NCAPG2: variants seen among roughly 807,000 people sequenced by gnomAD.
NCAPG2 encodes the protein non-SMC condensin II complex subunit G2, also known as condensin-2 complex subunit G2.
A neutral mutation model predicts 141.1 loss-of-function variants in NCAPG2; 53 were observed. That is an observed-to-expected ratio of 0.38 (90% CI 0.30 to 0.47). The LOEUF is 0.47. NCAPG2 is among the 20% of genes least tolerant of loss of function. The pLI is 0.99. For synonymous variants in NCAPG2, 499 were observed against 490.7 expected, an observed-to-expected ratio of 1.02 and a Z score of -0.22; for missense variants, 1,087 against 1,389.0, an observed-to-expected ratio of 0.78 and a Z score of 3.46.
At chr7:158,688,290 G>A (rs915956538) in intron 6 of NCAPG2, among the ~76,000 whole-genome samples, 1 of 152,162 alleles carries the variant, frequency 6.6e-6, no homozygotes, top group African/African-American at 2.4e-5. Context: ...GATTGATTAG[G>A]AAACTACATT....
At chr7:158,654,799 CAG>C in intron 21 of NCAPG2, 105 bp from the exon 22 acceptor site, 1 of 1,449,642 alleles carries the variant, frequency 6.9e-7, no homozygotes, top group Non-Finnish European at 9.1e-7. Flanking sequence ...TCTTATAAAG[CAG>C]ATTTTTATAA....
chr7:158,694,029 A>T (rs1232715845), intron 2 of NCAPG2, among the ~76,000 whole-genome samples: 1 of 152,212 alleles, frequency 6.6e-6, no homozygotes, highest in Admixed American at 6.5e-5. Context: ...ATCCAATTAA[A>T]GGGACTCCCT....
chr7:158,685,351 C>A (rs1834692885), intron 8 of NCAPG2, among the ~76,000 whole-genome samples: 2 of 152,096 alleles, frequency 1.3e-5, no homozygotes, highest in South Asian at 4.1e-4. Context: ...TGAATGCAAG[C>A]CACAGATGCA....
intron 16 of NCAPG2, 22 bp downstream of exon 16, chr7:158,662,172 A>G (rs1832561611): frequency 6.4e-7 from 1 of 1,572,344 alleles, no homozygotes; most frequent in African/African-American, 1.4e-5. Flanking sequence ...TACCTTGCTT[A>G]CAAGTATAGT....
intron 24 of NCAPG2, among the ~76,000 whole-genome samples, chr7:158,649,232 GAA>G (rs1245296002): frequency 6.6e-6 from 1 of 151,884 alleles, no homozygotes; most frequent in Non-Finnish European, 1.5e-5. Flanking sequence ...CAGAACAAAT[GAA>G]AAAAGAGACA....
intron 13 of NCAPG2, chr7:158,667,094 C>G (rs915201878): frequency 2.1e-5 from 20 of 975,468 alleles, no homozygotes; most frequent in Non-Finnish European, 2.4e-5. Flanking sequence ...ATTCTGTAAC[C>G]TTAACTTTCA....
At chr7:158,645,684 A>C in intron 25 of NCAPG2, 65 bp from the exon 26 acceptor site, 2 of 1,444,582 alleles carry the variant, frequency 1.4e-6, no homozygotes, top group Non-Finnish European at 1.9e-6. Flanking sequence ...TTATAGCAGA[A>C]GTACAGCCAA....
chr7:158,687,260 A>G, intron 7 of NCAPG2, 88 bp downstream of exon 7: 1 of 827,346 alleles, frequency 1.2e-6, no homozygotes, highest in South Asian at 1.9e-5. Context: ...CTTCTAATCC[A>G]TTACTATAAC....
chr7:158,656,441 AAG>A lies in NCAPG2; in HGVS notation c.2215-10_2215-9del. 1.2e-6 allele frequency: 2 copies of A among 1,612,902 alleles called. No homozygotes were observed. The highest frequency in any genetic ancestry group is 1.1e-5 in the South Asian group (1 of 90,846). On this transcript the variant is annotated splice_polypyrimidine_tract_variant and intron_variant, in intron 18 of 27. Transcript: ENST00000356309. ...TTTAGAAGCTGTGTTGCTCTGAAAG[AAG>A]AGAGAGAGAAACTGATAATGAAAAC...
At chr7:158,656,516 C>A (rs768573765) in intron 18 of NCAPG2, 36 bp downstream of exon 18, 24 of 1,612,254 alleles carry the variant, frequency 1.5e-5, no homozygotes, top group Non-Finnish European at 2.0e-5. Context: ...GTTATCCTCA[C>A]TCACCTAATT....
In NCAPG2 at chr7:158,693,487, G is replaced by A; in HGVS notation, c.89C>T (p.Ser30Phe). The A allele has an allele frequency of 6.2e-7, 1 of 1,610,726 alleles. No homozygotes were observed. The highest frequency in any genetic ancestry group is 1.7e-5 in the Admixed American group (1 of 59,298). ...LQFVQLDKEA[S>F]DPFSLNELLD... is the part of the protein sequence containing the mutation. ...TAATTCATTTAGGCTGAAAGGATCA[G>A]AGGCCTCTTTCTGTAACATAAATAG... The change falls in exon 3 of 28, where the codon TCT (serine) becomes TTT (phenylalanine). Residue 30 changes from serine (S) to phenylalanine (F), a missense_variant. Transcript: ENST00000356309.
intron 24 of NCAPG2, among the ~76,000 whole-genome samples, chr7:158,650,007 A>G (rs1364992159): frequency 6.6e-6 from 1 of 152,256 alleles, no homozygotes; most frequent in Non-Finnish European, 1.5e-5. Flanking sequence ...TAGGAAAATA[A>G]GATAGTCAGT....
At chr7:158,632,489 G>A (rs1375860323) in intron 27 of NCAPG2, among the ~76,000 whole-genome samples, 1 of 152,202 alleles carries the variant, frequency 6.6e-6, no homozygotes, top group East Asian at 1.9e-4. Flanking sequence ...TCTCCTCAGA[G>A]AAGCAATAAA....
intron 24 of NCAPG2, 86 bp from the exon 25 acceptor site, chr7:158,646,649 C>T: frequency 1.3e-6 from 1 of 779,740 alleles, no homozygotes; most frequent in East Asian, 3.1e-5. Context: ...TCTTCAACAC[C>T]TAAGAAAAAC....
At chr7:158,658,210 G>T in intron 17 of NCAPG2, 128 bp downstream of exon 17, 1 of 706,042 alleles carries the variant, frequency 1.4e-6, no homozygotes. Flanking sequence ...GGAGAGGGAA[G>T]GGCAGAAGGA....
At chr7:158,650,230 A>G (rs1370590620) in intron 24 of NCAPG2, among the ~76,000 whole-genome samples, 1 of 152,162 alleles carries the variant, frequency 6.6e-6, no homozygotes, top group Non-Finnish European at 1.5e-5. Flanking sequence ...TATCTTTAGT[A>G]GAGACAGAGT....
intron 22 of NCAPG2, among the ~76,000 whole-genome samples, chr7:158,654,255 T>A (rs1232211802): frequency 6.6e-6 from 1 of 152,054 alleles, no homozygotes; most frequent in South Asian, 2.1e-4. Context: ...CAGGAGCACA[T>A]GACCAGAGCA....
At chr7:158,673,787 C>T (rs1366225225) in intron 12 of NCAPG2, among the ~76,000 whole-genome samples, 1 of 152,220 alleles carries the variant, frequency 6.6e-6, no homozygotes, top group Non-Finnish European at 1.5e-5. Context: ...GGCTCCCTGG[C>T]TCCTCAGCCA....
At chr7:158,648,105 C>A (rs1349834209) in intron 24 of NCAPG2, among the ~76,000 whole-genome samples, 10 of 152,174 alleles carry the variant, frequency 6.6e-5, no homozygotes, top group Non-Finnish European at 1.3e-4. Flanking sequence ...AAATACTTTA[C>A]ATCTTAAAGT....
Sources: gnomAD v4.1 joint callset for allele counts (sites outside exome capture counted in the v4.1 genomes callset) on GRCh38, gnomAD v4.1.1 for gene constraint, MANE v1.5 for transcripts, NCBI Gene and HGNC (gene_info 2026-07-23, HGNC 2026-07-21) for gene names.